Variants in CCDC91 observed in about 807,000 individuals in gnomAD.
CCDC91 encodes the protein coiled-coil domain containing 91, also known as coiled-coil domain-containing protein 91.
CCDC91 carries 48 observed loss-of-function variants against 63.2 expected under a neutral mutation model. The ratio of observed to expected loss-of-function variants is 0.76; its 90% confidence interval spans 0.60 to 0.97. CCDC91 has a LOEUF of 0.97. CCDC91 is among the 50% of genes least tolerant of loss of function. CCDC91 has a pLI of 0.00. For synonymous variants in CCDC91, 167 were observed against 165.8 expected, an observed-to-expected ratio of 1.01 and a Z score of -0.06; for missense variants, 500 against 494.6, an observed-to-expected ratio of 1.01 and a Z score of -0.10.
chr12:28,481,700 A>T (rs1002114243), intron 11 of CCDC91, among the ~76,000 whole-genome samples: 1 of 152,004 alleles, frequency 6.6e-6, no homozygotes, highest in Non-Finnish European at 1.5e-5. Flanking sequence ...GGAATAATTT[A>T]TACACGAGCA....
intron 1 of CCDC91, among the ~76,000 whole-genome samples, chr12:28,237,640 G>C (rs1945055892): frequency 6.6e-6 from 1 of 152,180 alleles, no homozygotes; most frequent in Non-Finnish European, 1.5e-5. Context: ...TCCAGAGGGA[G>C]CCAGCCTTCC....
chr12:28,197,288 G>A (rs1025058742), intron 1 of CCDC91, among the ~76,000 whole-genome samples: 2 of 151,968 alleles, frequency 1.3e-5, no homozygotes, highest in African/African-American at 4.8e-5. Context: ...AGTTCAAACC[G>A]TTTTTTAAGC....
At chr12:28,286,324 C>G (rs568628062) in intron 3 of CCDC91, among the ~76,000 whole-genome samples, 13 of 152,120 alleles carry the variant, frequency 8.5e-5, no homozygotes, top group South Asian at 8.3e-4. Context: ...GATATTAAGC[C>G]TAGTGCCCAT....
intron 8 of CCDC91, among the ~76,000 whole-genome samples, chr12:28,425,962 A>G (rs1384699667): frequency 1.3e-5 from 2 of 152,168 alleles, no homozygotes; most frequent in Non-Finnish European, 2.9e-5. Flanking sequence ...TTTCTGTATC[A>G]TATATCGTGT....
chr12:28,394,477 C>CAA (rs554990076), intron 8 of CCDC91, among the ~76,000 whole-genome samples: 2 of 143,044 alleles, frequency 1.4e-5, no homozygotes, highest in South Asian at 2.2e-4. Context: ...AACAAACAAA[C>CAA]AAAAAAAAAA....
At chr12:28,443,951 A>G (rs1949978) in intron 8 of CCDC91, among the ~76,000 whole-genome samples, 61,302 of 151,970 alleles carry the variant, frequency 0.4, 12,607 homozygotes, top group Middle Eastern at 0.48. Context: ...TAGTTTGCAG[A>G]ACCTGTTTAC....
Position 28,452,504 on chromosome 12 carries a change from A to G in CCDC91, c.951A>G (p.Ala317=), listed in dbSNP as rs1949857724. 1.3e-6 allele frequency: 2 copies of G among 1,576,446 alleles called. No homozygotes were observed. The highest frequency in any genetic ancestry group is 1.7e-6 in the Non-Finnish European group (2 of 1,162,444). Residue 317 remains alanine, a synonymous_variant, in exon 11 of 13, where the codon GCA becomes GCG. Transcript: ENST00000536442. The stretch of plus-strand genomic sequence containing the variant: ...TTGAAAAAGAAGCAGTGAAGGATGC[A>G]GTTTTAAAAGTCGTAGAAGAAGAAA... The part of the protein sequence containing the change: ...AKLEKEAVKD[A]VLKVVEEERK...
At chr12:28,491,087 G>A (rs1191483238) in intron 12 of CCDC91, among the ~76,000 whole-genome samples, 1 of 151,574 alleles carries the variant, frequency 6.6e-6, no homozygotes, top group Non-Finnish European at 1.5e-5. Flanking sequence ...AGCAGTTAAT[G>A]CGGTATTTTT....
intron 7 of CCDC91, among the ~76,000 whole-genome samples, chr12:28,388,668 T>C (rs923289850): frequency 2.6e-5 from 4 of 152,084 alleles, no homozygotes; most frequent in African/African-American, 7.2e-5. Context: ...ATTGTGAAAA[T>C]GACCATACTG....
chr12:28,226,701 C>T (rs1319954945), intron 1 of CCDC91, among the ~76,000 whole-genome samples: 13 of 151,942 alleles, frequency 8.6e-5, no homozygotes, highest in African/African-American at 3.1e-4. Context: ...AACTAAAGTC[C>T]ATTCTGTATT....
At chr12:28,264,221 A>G (rs1433629323) in intron 3 of CCDC91, among the ~76,000 whole-genome samples, 1 of 151,764 alleles carries the variant, frequency 6.6e-6, no homozygotes, top group Non-Finnish European at 1.5e-5. Context: ...TAAGAGTAGT[A>G]TGTAGTTCTT....
chr12:28,462,153 C>A lies in CCDC91; in HGVS notation c.1101+9499C>A, dbSNP rs114042660. ...ATTTGTTTATGTTACATTTCTTTGTCTTTTATTGTATCTTTGTGAAGCTGG... is the reference window on the plus strand; with the variant it reads ...ATTTGTTTATGTTACATTTCTTTGTATTTTATTGTATCTTTGTGAAGCTGG... On this transcript the variant is annotated intron_variant, in intron 11 of 12. Coordinates refer to ENST00000536442, the MANE Select transcript of CCDC91 (RefSeq NM_018318.5). Among the ~76,000 whole-genome samples, 297 of 151,740 alleles carry A rather than the reference C, an allele frequency of 2.0e-3. 2 individuals carry two copies. The highest frequency in any genetic ancestry group is 6.9e-3 in the African/African-American group (286 of 41,374).
At chr12:28,199,317 A>C (rs530258183) in intron 1 of CCDC91, among the ~76,000 whole-genome samples, 1 of 148,236 alleles carries the variant, frequency 6.7e-6, no homozygotes, top group East Asian at 2.1e-4. Context: ...ATACTAACTA[A>C]GTTTAAGTTT....
chr12:28,489,515 A>G (rs1394176325), intron 12 of CCDC91, among the ~76,000 whole-genome samples: 1 of 151,930 alleles, frequency 6.6e-6, no homozygotes, highest in Non-Finnish European at 1.5e-5. Context: ...TCAGCAAGCA[A>G]CAACTACTCA....
At chr12:28,532,427 A>G (rs1941815254) in intron 12 of CCDC91, among the ~76,000 whole-genome samples, 1 of 152,110 alleles carries the variant, frequency 6.6e-6, no homozygotes, top group Non-Finnish European at 1.5e-5. Context: ...AGTCATAGCA[A>G]TTATTTTTAG....
intron 1 of CCDC91, among the ~76,000 whole-genome samples, chr12:28,237,451 TAAG>T (rs998815534): frequency 1.2e-4 from 18 of 152,102 alleles, no homozygotes; most frequent in African/African-American, 4.1e-4. Flanking sequence ...AGTGTCCTCA[TAAG>T]AGATAAACAG....
chr12:28,337,581 G>T (rs2137871441), intron 6 of CCDC91, among the ~76,000 whole-genome samples: 1 of 151,010 alleles, frequency 6.6e-6, no homozygotes, highest in Non-Finnish European at 1.5e-5. Context: ...AATTATCATA[G>T]GATGGAAATA....
intron 1 of CCDC91, among the ~76,000 whole-genome samples, chr12:28,248,077 C>T (rs1236414516): frequency 2.0e-5 from 3 of 152,118 alleles, no homozygotes; most frequent in Non-Finnish European, 4.4e-5. Context: ...GGGACCCCTG[C>T]TCTCGGAGAT....
intron 1 of CCDC91, among the ~76,000 whole-genome samples, chr12:28,245,774 A>T (rs183837255): frequency 6.6e-6 from 1 of 152,188 alleles, no homozygotes; most frequent in South Asian, 2.1e-4. Flanking sequence ...ATGAGATGCC[A>T]TTTAAAACCA....
Sources: allele counts gnomAD v4.1 joint callset (sites outside exome capture counted in the v4.1 genomes callset), GRCh38; gene constraint gnomAD v4.1.1; transcripts MANE v1.5; gene names NCBI Gene and HGNC (gene_info 2026-07-23, HGNC 2026-07-21).